The following RHBDD1 variants were observed in gnomAD, a reference collection of about 807,000 sequenced individuals.
RHBDD1 encodes the protein rhomboid-related protein 4.
Under a neutral mutation model 36.3 loss-of-function variants are expected in RHBDD1, and 38 were observed. That is an observed-to-expected ratio of 1.05 (90% CI 0.81 to 1.37). RHBDD1 has a LOEUF of 1.37. Ranked by LOEUF, RHBDD1 falls within the 40% of genes most tolerant of loss-of-function variation. The pLI is 0.00. For synonymous variants in RHBDD1, 151 were observed against 136.5 expected (o/e 1.11, Z -0.74); for missense variants, 393 against 377.6 (o/e 1.04, Z -0.34).
the RHBDD1 span, among the ~76,000 whole-genome samples, chr2:226,806,845 A>G: frequency 6.6e-6 from 1 of 152,236 alleles, no homozygotes; most frequent in African/African-American, 2.4e-5. Flanking sequence ...TTCTATATGA[A>G]TATTTCTGAA....
chr2:226,815,171 T>C, the RHBDD1 span, among the ~76,000 whole-genome samples: 1 of 152,210 alleles, frequency 6.6e-6, no homozygotes, highest in African/African-American at 2.4e-5. Context: ...GGCCTGAATT[T>C]ATTTTCCTTT....
chr2:226,838,460 G>A (rs1172699476), intron 2 of RHBDD1, among the ~76,000 whole-genome samples: 1 of 152,158 alleles, frequency 6.6e-6, no homozygotes, highest in Non-Finnish European at 1.5e-5. Flanking sequence ...TAGTGATTGT[G>A]TACATTAGAC....
intron 3 of RHBDD1, among the ~76,000 whole-genome samples, chr2:226,861,113 A>C (rs1943812044): frequency 6.6e-6 from 1 of 152,222 alleles, no homozygotes; most frequent in African/African-American, 2.4e-5. Context: ...ACATCAGGCA[A>C]ACTATATCTT....
chr2:226,877,756 A>G (rs1945365943), intron 5 of RHBDD1, among the ~76,000 whole-genome samples: 2 of 152,154 alleles, frequency 1.3e-5, no homozygotes, highest in Admixed American at 1.3e-4. Flanking sequence ...CACACGGTGT[A>G]TTAAAAAGAT....
At chr2:226,921,359 C>T (rs185520147) in intron 8 of RHBDD1, among the ~76,000 whole-genome samples, 26 of 151,830 alleles carry the variant, frequency 1.7e-4, no homozygotes, top group Admixed American at 1.6e-3. Flanking sequence ...CTCTTTATTA[C>T]TTCTTTTCTT....
chr2:226,894,326 T>C (rs891711122), intron 5 of RHBDD1, among the ~76,000 whole-genome samples: 1 of 152,180 alleles, frequency 6.6e-6, no homozygotes, highest in Non-Finnish European at 1.5e-5. Flanking sequence ...TTGGAGTACA[T>C]TGAGATCATC....
At chr2:226,887,793 T>C (rs1946356789) in intron 5 of RHBDD1, among the ~76,000 whole-genome samples, 1 of 152,238 alleles carries the variant, frequency 6.6e-6, no homozygotes, top group South Asian at 2.1e-4. Flanking sequence ...CAATGCTCTT[T>C]TGTATTGAAT....
At chr2:226,874,878 G>C (rs1039785357) in intron 5 of RHBDD1, among the ~76,000 whole-genome samples, 1 of 152,150 alleles carries the variant, frequency 6.6e-6, no homozygotes, top group Non-Finnish European at 1.5e-5. Context: ...CAGCCTGTGC[G>C]TGTGCGCCTC....
chr2:226,891,353 T>C (rs936005104), intron 5 of RHBDD1, among the ~76,000 whole-genome samples: 4 of 152,200 alleles, frequency 2.6e-5, no homozygotes, highest in Non-Finnish European at 4.4e-5. Flanking sequence ...CAGCTCACAA[T>C]GTGGTACCTT....
chr2:226,986,252 C>T (rs981720312), intron 8 of RHBDD1, among the ~76,000 whole-genome samples: 1 of 152,154 alleles, frequency 6.6e-6, no homozygotes, highest in East Asian at 1.9e-4. Context: ...ACAAAATGTA[C>T]TGTGGTCTCC....
chr2:226,831,114 T>C (rs899615403), upstream of RHBDD1, among the ~76,000 whole-genome samples: 33 of 152,230 alleles, frequency 2.2e-4, no homozygotes, highest in African/African-American at 7.5e-4. Flanking sequence ...TCTGAATTTG[T>C]TATCAGGGTA....
intron 3 of RHBDD1, among the ~76,000 whole-genome samples, chr2:226,862,353 C>CTTTTTTT (rs565626444): frequency 2.3e-5 from 3 of 130,578 alleles, no homozygotes; most frequent in African/African-American, 2.8e-5. Flanking sequence ...AGAATCCTGC[C>CTTTTTTT]TTTTTTTTTT....
chr2:226,948,601 T>TAA (rs60725545), intron 8 of RHBDD1, among the ~76,000 whole-genome samples: 2,814 of 122,570 alleles, frequency 0.023, 42 homozygotes, highest in Middle Eastern at 0.08. Context: ...AAAATAAAAA[T>TAA]AAAAAAAAAT....
chr2:226,967,804 T>C (rs533907520), intron 8 of RHBDD1, among the ~76,000 whole-genome samples: 17 of 152,142 alleles, frequency 1.1e-4, no homozygotes, highest in Admixed American at 8.5e-4. Context: ...GTTGAAATGA[T>C]AGGAGTCAGG....
At chr2:226,988,649 G>C (rs1274139472) in intron 8 of RHBDD1, 1 of 985,202 alleles carries the variant, frequency 1.0e-6, no homozygotes, top group African/African-American at 1.7e-5. Flanking sequence ...CTTCTGAGAG[G>C]AAGGTAGGAT....
At chr2:226,965,702 A>G (rs1014341595) in intron 8 of RHBDD1, among the ~76,000 whole-genome samples, 2 of 152,180 alleles carry the variant, frequency 1.3e-5, no homozygotes, top group African/African-American at 4.8e-5. Context: ...TCAGAGGTGT[A>G]TACATTGAGA....
chr2:226,996,680 A>C lies in RHBDD1; in HGVS notation c.*1158A>C. ...TGCATAAGGCAAACATCTGGAAAGA[A>C]ATATACCCAAATCTTAGCAGGGGTT... On this transcript the variant is annotated 3_prime_UTR_variant, in exon 9 of 9. Coordinates refer to ENST00000392062, the MANE Select transcript of RHBDD1 (RefSeq NM_001167608.3). 1 of 152,284 alleles carries C rather than the reference A, an allele frequency of 6.6e-6. No individual in the cohort carries two copies. The highest frequency in any genetic ancestry group is 2.4e-5 in the African/African-American group (1 of 41,516). The allele number at this position is 152,284 out of a possible 1,614,324, so 9.4% of individuals were successfully genotyped here.
At chr2:226,905,266 C>G (rs535499994) in intron 5 of RHBDD1, among the ~76,000 whole-genome samples, 2 of 151,720 alleles carry the variant, frequency 1.3e-5, no homozygotes, top group South Asian at 4.2e-4. Flanking sequence ...GGCAGGCAGA[C>G]GTGTAAGTAC....
intron 5 of RHBDD1, among the ~76,000 whole-genome samples, chr2:226,900,506 T>A (rs1371595137): frequency 6.6e-6 from 1 of 152,192 alleles, no homozygotes; most frequent in Non-Finnish European, 1.5e-5. Flanking sequence ...ACTATTAAGC[T>A]AACAGAAGAA....
Sources: gnomAD v4.1 joint callset for allele counts (sites outside exome capture counted in the v4.1 genomes callset) on GRCh38, gnomAD v4.1.1 for gene constraint, MANE v1.5 for transcripts, NCBI Gene and HGNC (gene_info 2026-07-23, HGNC 2026-07-21) for gene names.